Variants in SRRM4 observed in about 807,000 individuals in gnomAD.
SRRM4 encodes serine/arginine repetitive matrix 4, also known as serine/arginine repetitive matrix protein 4.
A neutral mutation model predicts 68.9 loss-of-function variants in SRRM4; 33 were observed. That is an observed-to-expected ratio of 0.48 (90% CI 0.36 to 0.64). SRRM4 has a LOEUF of 0.64. Among genes scored for constraint, SRRM4 ranks in the 30% least tolerant of loss-of-function variants. The pLI is 0.00. For synonymous variants in SRRM4, 318 were observed against 318.8 expected, an observed-to-expected ratio of 1.00 and a Z score of 0.03; for missense variants, 817 against 827.1, an observed-to-expected ratio of 0.99 and a Z score of 0.15.
In SRRM4 at chr12:119,140,095, C is replaced by T. The variant is rs1015820381; in HGVS notation, c.772-5286C>T. On this transcript the variant is annotated intron_variant, in intron 8 of 12. Coordinates refer to ENST00000267260, the MANE Select transcript of SRRM4 (RefSeq NM_194286.4). ...TAAGAAAAATTATTGCTAATTCTGC[C>T]GGGTGCAGTGGCTCACGCCTGTAAT... 6.6e-5 allele frequency among the ~76,000 whole-genome samples: 10 copies of T among 152,188 alleles called. No individual in the cohort carries two copies. The Middle Eastern group carries it at 0.01, about 155-fold the overall frequency.
chr12:119,046,770 A>G (rs1953710356), intron 1 of SRRM4, among the ~76,000 whole-genome samples: 1 of 152,168 alleles, frequency 6.6e-6, no homozygotes, highest in South Asian at 2.1e-4. Flanking sequence ...AGTCTGAATT[A>G]TCTGGATACA....
At chr12:119,124,962 G>T (rs78381318) in intron 6 of SRRM4, among the ~76,000 whole-genome samples, 1 of 152,086 alleles carries the variant, frequency 6.6e-6, no homozygotes, top group Non-Finnish European at 1.5e-5. Flanking sequence ...GTTTTAACTC[G>T]GGCCTCCGGT....
intron 8 of SRRM4, among the ~76,000 whole-genome samples, chr12:119,138,641 T>A (rs887622001): frequency 3.3e-5 from 5 of 152,206 alleles, no homozygotes; most frequent in Admixed American, 3.3e-4. Context: ...CCCACTGTAA[T>A]AGCTGGTTTG....
intron 1 of SRRM4, among the ~76,000 whole-genome samples, chr12:119,016,844 CT>C (rs1953485110): frequency 6.6e-6 from 1 of 152,216 alleles, no homozygotes; most frequent in Non-Finnish European, 1.5e-5. Flanking sequence ...ACAAGGCACG[CT>C]GACTCTGAAC....
At chr12:119,103,142 G>A (rs1954086997) in intron 2 of SRRM4, among the ~76,000 whole-genome samples, 1 of 152,114 alleles carries the variant, frequency 6.6e-6, no homozygotes, top group Non-Finnish European at 1.5e-5. Context: ...ATAAAGTCTG[G>A]CCCATCTTTG....
rs373485495 is a variant in SRRM4 at position 118,981,960 on chromosome 12, C to G, written c.78C>G (p.Pro26=). 3 of 1,612,236 alleles carry G rather than the reference C, an allele frequency of 1.9e-6. No individual in the cohort carries two copies. The highest frequency in any genetic ancestry group is 2.2e-5 in the East Asian group (1 of 44,830). ...GAACCTTCAAAGCGGTGGCCACCCC[C>G]CGTCCCGAGAGCATCATTGTCGCCA... ...WRGTFKAVAT[P]RPESIIVASI... Residue 26 remains proline (P), a synonymous_variant, in exon 1 of 13, where the codon CCC becomes CCG. Coordinates refer to ENST00000267260, the MANE Select transcript of SRRM4 (RefSeq NM_194286.4).
At chr12:119,121,096 A>G (rs1954216383) in intron 5 of SRRM4, among the ~76,000 whole-genome samples, 1 of 152,170 alleles carries the variant, frequency 6.6e-6, no homozygotes, top group Non-Finnish European at 1.5e-5. Flanking sequence ...AGGGACGGGT[A>G]ACTACCCTGA....
intron 1 of SRRM4, among the ~76,000 whole-genome samples, chr12:118,985,673 C>G (rs1173092665): frequency 6.6e-6 from 1 of 152,106 alleles, no homozygotes; most frequent in East Asian, 1.9e-4. Flanking sequence ...TTATCCCCAT[C>G]CAAGAAGGGT....
chr12:119,059,906 G>T (rs551747712), intron 1 of SRRM4, among the ~76,000 whole-genome samples: 46 of 152,334 alleles, frequency 3.0e-4, no homozygotes, highest in African/African-American at 1.1e-3. Flanking sequence ...AGGGTGCAGA[G>T]TCCCTTCATG....
chr12:119,002,366 C>T (rs1022297771), intron 1 of SRRM4, among the ~76,000 whole-genome samples: 1 of 151,978 alleles, frequency 6.6e-6, no homozygotes, highest in Non-Finnish European at 1.5e-5. Flanking sequence ...GTTCCATGGG[C>T]TTATCATAGT....
chr12:119,140,756 T>C (rs1954360222), intron 8 of SRRM4, among the ~76,000 whole-genome samples: 1 of 152,326 alleles, frequency 6.6e-6, no homozygotes, highest in South Asian at 2.1e-4. Flanking sequence ...GCTTATGCTG[T>C]TGAGAATCTG....
intron 11 of SRRM4, 91 bp downstream of exon 11, chr12:119,153,740 C>G: frequency 1.1e-6 from 1 of 932,554 alleles, no homozygotes; most frequent in Non-Finnish European, 1.7e-6. Flanking sequence ...CGTTCTCGGG[C>G]CTTCTTCCTC....
At chr12:119,051,137 C>T (rs542682182) in intron 1 of SRRM4, among the ~76,000 whole-genome samples, 5 of 152,298 alleles carry the variant, frequency 3.3e-5, no homozygotes, top group South Asian at 2.1e-4. Flanking sequence ...AGGGATGCTA[C>T]TAAACATCTA....
intron 1 of SRRM4, among the ~76,000 whole-genome samples, chr12:119,054,982 G>A (rs1316209248): frequency 6.6e-6 from 1 of 152,126 alleles, no homozygotes; most frequent in Non-Finnish European, 1.5e-5. Flanking sequence ...GGCATGTGAT[G>A]CTTAAAATGA....
chr12:119,068,258 C>T (rs561990850), intron 1 of SRRM4, among the ~76,000 whole-genome samples: 7 of 152,282 alleles, frequency 4.6e-5, no homozygotes, highest in East Asian at 1.9e-4. Flanking sequence ...GACTCAAATG[C>T]ATGGAGAGCA....
chr12:119,036,412 A>C (rs1953627628), intron 1 of SRRM4, among the ~76,000 whole-genome samples: 1 of 152,182 alleles, frequency 6.6e-6, no homozygotes, highest in Non-Finnish European at 1.5e-5. Context: ...GGTGGCTTGC[A>C]GCTGAGCTTG....
At chr12:119,138,971 G>A (rs1364460938) in intron 8 of SRRM4, among the ~76,000 whole-genome samples, 1 of 152,160 alleles carries the variant, frequency 6.6e-6, no homozygotes, top group Non-Finnish European at 1.5e-5. Context: ...GGTACCTGGA[G>A]GGCATTATTA....
intron 1 of SRRM4, among the ~76,000 whole-genome samples, chr12:119,060,356 C>T (rs917566958): frequency 5.3e-5 from 8 of 150,238 alleles, no homozygotes; most frequent in Non-Finnish European, 1.2e-4. Flanking sequence ...ATATGCCACT[C>T]CTATCCCACA....
At chr12:119,074,129 C>T (rs1953894736) in intron 1 of SRRM4, among the ~76,000 whole-genome samples, 2 of 152,046 alleles carry the variant, frequency 1.3e-5, no homozygotes, top group Non-Finnish European at 2.9e-5. Context: ...ATGAAAATCT[C>T]CTGCTTAGGC....
Sources: gnomAD v4.1 joint callset for allele counts (sites outside exome capture counted in the v4.1 genomes callset) on GRCh38, gnomAD v4.1.1 for gene constraint, MANE v1.5 for transcripts, NCBI Gene and HGNC (gene_info 2026-07-23, HGNC 2026-07-21) for gene names.